SUPT3H: variants seen among roughly 807,000 people sequenced by gnomAD.
SUPT3H encodes SPT3 homolog, SAGA and STAGA complex component.
SUPT3H carries 44 observed loss-of-function variants against 44.3 expected under a neutral mutation model. The observed-to-expected ratio is 0.99, with a 90% CI of 0.78 to 1.28. The LOEUF (loss-of-function observed/expected upper bound fraction) is 1.28. SUPT3H is among the 50% of genes most tolerant of loss of function. SUPT3H has a pLI of 0.00. For missense variants in SUPT3H, 380 were observed against 387.1 expected, an observed-to-expected ratio of 0.98 and a Z score of 0.15; for synonymous variants, 124 against 125.6, an observed-to-expected ratio of 0.99 and a Z score of 0.09.
At chr6:44,931,315 C>T (rs137969250) in intron 10 of SUPT3H, among the ~76,000 whole-genome samples, 1 of 152,142 alleles carries the variant, frequency 6.6e-6, no homozygotes. Context: ...ACTGTCTCAA[C>T]CTATTCATCA....
intron 2 of SUPT3H, among the ~76,000 whole-genome samples, chr6:45,146,557 C>G (rs1381989991): frequency 1.3e-5 from 2 of 152,094 alleles, no homozygotes; most frequent in Non-Finnish European, 2.9e-5. Flanking sequence ...CAAAAACCAC[C>G]TGTTCCCCAC....
chr6:45,244,714 T>C (rs1004058599), intron 2 of SUPT3H, among the ~76,000 whole-genome samples: 3 of 152,182 alleles, frequency 2.0e-5, no homozygotes, highest in African/African-American at 7.2e-5. Flanking sequence ...AGTAAACTTC[T>C]ATCTCTTCCA....
At chr6:45,199,256 C>T (rs1026741130) in intron 2 of SUPT3H, among the ~76,000 whole-genome samples, 9 of 150,368 alleles carry the variant, frequency 6.0e-5, no homozygotes, top group Non-Finnish European at 8.9e-5. Context: ...TCTATTTTTC[C>T]TTGCCAGAAA....
intron 6 of SUPT3H, among the ~76,000 whole-genome samples, chr6:45,001,779 T>C (rs1041327549): frequency 6.6e-6 from 1 of 152,118 alleles, no homozygotes; most frequent in Non-Finnish European, 1.5e-5. Flanking sequence ...CTGATTATTC[T>C]ACTGAACTTT....
rs1357366734 is a variant in SUPT3H, at chr6:44,923,381, A to G, written c.912+9272T>C. On this transcript the variant is annotated intron_variant, in intron 10 of 10. Coordinates refer to ENST00000371459, the MANE Select transcript of SUPT3H (RefSeq NM_003599.4). ...CCATAGATGTTTGGTTTGAATGTCT[A>G]TCACAATTTTTGTGCTACTCCAAAT... 3.9e-5 allele frequency among the ~76,000 whole-genome samples: 6 copies of G among 152,218 alleles called. No homozygotes were observed. In the East Asian group the frequency reaches 1.2e-3, roughly 29 times the overall value.
rs34384511 is a variant in SUPT3H at position 44,910,994 on chromosome 6, CAAAAA to C, written c.912+21654_912+21658del. 3.2e-4 allele frequency among the ~76,000 whole-genome samples: 20 copies of C among 62,688 alleles called. No homozygotes were observed. In the South Asian group the frequency reaches 9.9e-3, roughly 31 times the overall value. 41.1% of individuals were successfully genotyped at this position (62,688 alleles called of 152,430 possible). ...TGGGCAACAGAGTGAGACTCCATCT[CAAAAA>C]AAAAAAAAAAAAAAAAAAAAAGTAG... On this transcript the variant is annotated intron_variant, in intron 10 of 10. Transcript: ENST00000371459.
chr6:45,224,395 T>C (rs1766561564), intron 2 of SUPT3H, among the ~76,000 whole-genome samples: 1 of 152,270 alleles, frequency 6.6e-6, no homozygotes, highest in East Asian at 1.9e-4. Flanking sequence ...ACCACCTACA[T>C]ACTGAGTTTA....
In SUPT3H at chr6:45,377,857, CG is replaced by C. The variant is rs1363629343; in HGVS notation, c.-91del. ...TGGTGCGGTTTCTGCTGCTGCGGCC[CG>C]GGACACGCTTGGAAAGGGGCGGGGT... On this transcript the variant is annotated 5_prime_UTR_variant, in exon 1 of 11. Coordinates refer to ENST00000371459, the MANE Select transcript of SUPT3H (RefSeq NM_003599.4). 1 of 153,828 alleles carries C rather than the reference CG, an allele frequency of 6.5e-6. No homozygotes were observed. Among genetic ancestry groups the C allele is most frequent in the Non-Finnish European group, 1.4e-5 (1 of 69,418 alleles). The allele number at this position is 153,828 out of a possible 1,614,324, so 9.5% of individuals were successfully genotyped here.
chr6:44,868,883 C>T (rs1047271819), intron 10 of SUPT3H, among the ~76,000 whole-genome samples: 2 of 152,220 alleles, frequency 1.3e-5, no homozygotes, highest in Non-Finnish European at 2.9e-5. Context: ...ATGGTTTTGC[C>T]TCTGTGCTGA....
At chr6:44,817,250 A>G (rs577158348) in intron 11 of SUPT3H, among the ~76,000 whole-genome samples, 103 of 152,032 alleles carry the variant, frequency 6.8e-4, no homozygotes, top group African/African-American at 2.4e-3. Flanking sequence ...AAAAAAACTC[A>G]TTGTCTTCAA....
At chr6:45,049,901 A>G (rs1790005463) in intron 3 of SUPT3H, among the ~76,000 whole-genome samples, 1 of 152,206 alleles carries the variant, frequency 6.6e-6, no homozygotes, top group South Asian at 2.1e-4. Context: ...CATGTTATGT[A>G]TCCATCAATA....
chr6:45,328,837 A>T, intron 2 of SUPT3H: 1 of 1,561,828 alleles, frequency 6.4e-7, no homozygotes, highest in African/African-American at 1.4e-5. Flanking sequence ...TTAAACATAA[A>T]GGTATGATTC....
At chr6:45,158,298 A>ATAATTTTTTT in intron 2 of SUPT3H, among the ~76,000 whole-genome samples, 3 of 99,694 alleles carry the variant, frequency 3.0e-5, no homozygotes, top group Non-Finnish European at 5.2e-5. Context: ...ATATATATAT[A>ATAATTTTTTT]TTTTTTTTTT....
chr6:45,239,564 C>T (rs1167191320), intron 2 of SUPT3H, among the ~76,000 whole-genome samples: 2 of 152,216 alleles, frequency 1.3e-5, no homozygotes, highest in Admixed American at 6.5e-5. Flanking sequence ...CATGTTCCCT[C>T]GTTTGGGAGA....
chr6:45,336,580 T>C (rs896559358), intron 2 of SUPT3H, among the ~76,000 whole-genome samples: 2 of 151,510 alleles, frequency 1.3e-5, no homozygotes, highest in African/African-American at 4.8e-5. Context: ...TGCTAAATTA[T>C]TTAATTATTA....
At chr6:44,992,388 G>C (rs2153499079) in intron 6 of SUPT3H, among the ~76,000 whole-genome samples, 1 of 152,224 alleles carries the variant, frequency 6.6e-6, no homozygotes, top group Admixed American at 6.5e-5. Context: ...ACCAACAGTG[G>C]ACACGAGTGT....
chr6:44,829,557 CTG>C lies in SUPT3H; in HGVS notation c.*257_*258del. On this transcript the variant is annotated 3_prime_UTR_variant, in exon 11 of 11. Transcript: ENST00000371459. Reference sequence around the variant, plus strand: ...ATCTACTCAAATTAAAATTTCAAAACTGTGTGATCTGCATTCTTGTCCACCTA... The same window carrying C: ...ATCTACTCAAATTAAAATTTCAAAACTGTGATCTGCATTCTTGTCCACCTA... 1 of 363,910 alleles carries C rather than the reference CTG, an allele frequency of 2.7e-6. No individual in the cohort carries two copies. The allele number at this position is 363,910 out of a possible 1,614,324, so 22.5% of individuals were successfully genotyped here.
chr6:44,986,270 G>A (rs1779779033), intron 6 of SUPT3H, among the ~76,000 whole-genome samples: 1 of 152,142 alleles, frequency 6.6e-6, no homozygotes, highest in Admixed American at 6.5e-5. Flanking sequence ...CTTTGTAACT[G>A]TGACCCTAGA....
chr6:45,032,996 C>T (rs1327768196), intron 3 of SUPT3H, among the ~76,000 whole-genome samples: 5 of 152,092 alleles, frequency 3.3e-5, no homozygotes, highest in Admixed American at 2.0e-4. Flanking sequence ...GAAGACTGAG[C>T]GCTGCTGGCT....
Sources: allele counts gnomAD v4.1 joint callset (sites outside exome capture counted in the v4.1 genomes callset), GRCh38; gene constraint gnomAD v4.1.1; transcripts MANE v1.5; gene names NCBI Gene and HGNC (gene_info 2026-07-23, HGNC 2026-07-21).